Variants in THTPA observed in about 807,000 individuals in gnomAD.
The protein encoded by THTPA is thiamine triphosphatase.
Under a neutral mutation model 16.5 loss-of-function variants are expected in THTPA, and 16 were observed. The ratio of observed to expected loss-of-function variants is 0.97; its 90% CI spans 0.66 to 1.47. The LOEUF is 1.47. Ranked by LOEUF, THTPA falls within the 40% of genes most tolerant of loss-of-function variation. THTPA has a pLI of 0.00. For synonymous variants in THTPA, 110 were observed against 115.5 expected, an observed-to-expected ratio of 0.95 and a Z score of 0.30; for missense variants, 281 against 280.9, an observed-to-expected ratio of 1.00 and a Z score of 0.00.
the THTPA span, chr14:23,521,133 G>A: frequency 6.6e-6 from 1 of 152,318 alleles, no homozygotes; most frequent in African/African-American, 2.4e-5. Context: ...TGTGTTTAAA[G>A]CCTTTGAGAA....
chr14:23,524,761 A>G, the THTPA span: 3 of 1,536,262 alleles, frequency 2.0e-6, no homozygotes, highest in African/African-American at 1.4e-5. The surrounding 1 kb of genome is among the most constrained non-coding windows in gnomAD (Gnocchi z 5.6). Context: ...GCCCTGCTGG[A>G]GGTTCAAGGC....
the THTPA span, chr14:23,526,866 C>T: frequency 4.3e-5 from 66 of 1,532,152 alleles, no homozygotes; most frequent in South Asian, 5.5e-4. Context: ...GGTCTCTGCT[C>T]GGTGTAGGCT....
chr14:23,553,271 G>A (rs1354637869), upstream of THTPA, among the ~76,000 whole-genome samples: 4 of 152,196 alleles, frequency 2.6e-5, no homozygotes, highest in African/African-American at 9.6e-5. Context: ...AATCCTCACA[G>A]GTAACTGTGA....
the THTPA span, chr14:23,527,799 G>A: frequency 1.3e-6 from 2 of 1,525,272 alleles, no homozygotes; most frequent in African/African-American, 1.4e-5. Flanking sequence ...ATGGACAGCA[G>A]TATACCTGGA....
chr14:23,534,098 C>A, the THTPA span: 1 of 1,496,052 alleles, frequency 6.7e-7, no homozygotes, highest in Admixed American at 2.1e-5. This position sits in a 1 kb window ranked among gnomAD's most constrained non-coding sequence, Gnocchi z 4.5. Context: ...CTGGGGTCTT[C>A]GGGGGAGCCC....
chr14:23,551,695 C>A, upstream of THTPA: 2 of 155,894 alleles, frequency 1.3e-5, no homozygotes, highest in South Asian at 1.8e-4. This position sits in a 1 kb window ranked among gnomAD's most constrained non-coding sequence, Gnocchi z 5.3. Context: ...CCCTCCTCCT[C>A]CTCCTCCTCC....
rs779316022 is a variant in THTPA, at chr14:23,557,258, A to C, written c.501A>C (p.Glu167Asp). The C allele has an allele frequency of 6.2e-7, 1 of 1,610,874 alleles. No individual in the cohort carries two copies. Among genetic ancestry groups the C allele is most frequent in the Non-Finnish European group, 8.5e-7 (1 of 1,179,858 alleles). ...AGGCCCTGGTGCATGAGGAGGCTGA[A>C]GTACCAACTGCCCTAGAGAAGATCC... The part of the protein sequence containing the change: ...EVEALVHEEA[E>D]VPTALEKIHR... Residue 167 changes from glutamate to aspartate, a missense_variant, in exon 1 of 2, where the codon GAA becomes GAC. Transcript: ENST00000288014.
the THTPA span, among the ~76,000 whole-genome samples, chr14:23,527,993 G>A: frequency 2.1e-5 from 3 of 140,206 alleles, no homozygotes; most frequent in South Asian, 7.1e-4. Context: ...TGCAACCTCC[G>A]CCTTCCAGGT....
chr14:23,514,668 A>C, the THTPA span: 1 of 152,202 alleles, frequency 6.6e-6, no homozygotes, highest in Non-Finnish European at 1.5e-5. Flanking sequence ...CACGTTTGGC[A>C]GTGCTGCACT....
At chr14:23,538,562 A>T in the THTPA span, among the ~76,000 whole-genome samples, 1 of 151,934 alleles carries the variant, frequency 6.6e-6, no homozygotes, top group East Asian at 1.9e-4. Context: ...CACCCCCAAG[A>T]CCAAGATTCT....
the THTPA span, chr14:23,525,435 G>A: frequency 1.3e-6 from 2 of 1,536,030 alleles, no homozygotes; most frequent in African/African-American, 1.4e-5. This position sits in a 1 kb window ranked among gnomAD's most constrained non-coding sequence, Gnocchi z 5.9. Context: ...AAGCGGCGGT[G>A]GACATGTTCC....
chr14:23,528,814 G>A, the THTPA span: 483 of 985,404 alleles, frequency 4.9e-4, 6 homozygotes, highest in South Asian at 0.021. Flanking sequence ...GGGTGAGGCT[G>A]CCAGAGGCCC....
Position 23,559,162 on chromosome 14 carries a change from T to G in THTPA, c.*322T>G. ...CAGGAAAATCCCTTGCCACCCCCCC[T>G]CCCTTGGTCGATGCCATTGATTCTG... On this transcript the variant is annotated 3_prime_UTR_variant, in exon 2 of 2. Transcript: ENST00000288014. The G allele has an allele frequency of 3.6e-6, 1 of 280,272 alleles. No individual in the cohort carries two copies. Among genetic ancestry groups the G allele is most frequent in the Non-Finnish European group, 6.8e-6 (1 of 147,180 alleles). The allele number at this position is 280,272 out of a possible 1,614,324, so 17.4% of individuals were successfully genotyped here. A position where few individuals can be genotyped will look rare whatever the true frequency, so the allele number is the denominator to read the frequency against.
chr14:23,560,162 C>T lies in THTPA; in HGVS notation c.*1322C>T. ...AGTGCTGATCTCCAGATGACTCAAT[C>T]CCATCTCACACTGTCTCCCACCCAC... On this transcript the variant is annotated 3_prime_UTR_variant, in exon 2 of 2. Coordinates refer to ENST00000288014, the MANE Select transcript of THTPA (RefSeq NM_024328.6). The T allele has an allele frequency of 2.0e-6, 3 of 1,511,618 alleles. No homozygotes were observed. The highest frequency in any genetic ancestry group is 2.7e-6 in the Non-Finnish European group (3 of 1,102,800). The allele number at this position is 1,511,618 out of a possible 1,614,324, so 93.6% of individuals were successfully genotyped here. A position where few individuals can be genotyped will look rare whatever the true frequency, so the allele number is the denominator to read the frequency against.
At chr14:23,524,514 G>T in the THTPA span, 16 of 1,526,808 alleles carry the variant, frequency 1.0e-5, no homozygotes, top group Admixed American at 2.0e-5. The surrounding 1 kb of genome is among the most constrained non-coding windows in gnomAD (Gnocchi z 5.6). Flanking sequence ...CCAAACACCA[G>T]CAAGGGCAGA....
the THTPA span, chr14:23,529,425 A>G: frequency 2.6e-6 from 1 of 391,892 alleles, no homozygotes; most frequent in Non-Finnish European, 4.7e-6. Context: ...TCCAGCATGT[A>G]CCCCCACTCT....
At chr14:23,552,856 C>A (rs1882079329), upstream of THTPA, among the ~76,000 whole-genome samples, 1 of 152,166 alleles carries the variant, frequency 6.6e-6, no homozygotes, top group South Asian at 2.1e-4. Flanking sequence ...CCGGCCTCAG[C>A]CTCCCAAAGT....
At chr14:23,558,228 A>G (rs905315585) in intron 1 of THTPA, among the ~76,000 whole-genome samples, 4 of 152,206 alleles carry the variant, frequency 2.6e-5, no homozygotes, top group African/African-American at 7.2e-5. Flanking sequence ...CGAGAATTCT[A>G]TGTGAATCCC....
chr14:23,519,869 A>G, the THTPA span, among the ~76,000 whole-genome samples: 7 of 152,194 alleles, frequency 4.6e-5, no homozygotes, highest in Non-Finnish European at 1.0e-4. Context: ...GAAATGGATA[A>G]TGATAGAGCA....
Sources: gnomAD v4.1 joint callset for allele counts (sites outside exome capture counted in the v4.1 genomes callset) on GRCh38, gnomAD v4.1.1 for gene constraint, Gnocchi (gnomAD v3.1) non-coding constraint, MANE v1.5 for transcripts, NCBI Gene and HGNC (gene_info 2026-07-23, HGNC 2026-07-21) for gene names.